The following DOCK3 variants were observed in gnomAD, a reference collection of about 807,000 sequenced individuals.
The protein encoded by DOCK3 is dedicator of cytokinesis 3.
Under a neutral mutation model 265.6 loss-of-function variants are expected in DOCK3, and 60 were observed. That is an observed-to-expected ratio of 0.23 (90% CI 0.18 to 0.28). The LOEUF (loss-of-function observed/expected upper bound fraction) is 0.28. Ranked by LOEUF, DOCK3 falls within the 10% of genes least tolerant of loss-of-function variation. The probability of loss-of-function intolerance (pLI) is 1.00; values close to 1 mark genes in which losing one functional copy is unlikely to be tolerated. For synonymous variants in DOCK3, 881 were observed against 938.0 expected (o/e 0.94, Z 1.11); for missense variants, 1,981 against 2,594.3 (o/e 0.76, Z 5.14).
In DOCK3 at chr3:51,277,614, G is replaced by T; in HGVS notation, c.2683G>T (p.Asp895Tyr). 1 of 1,545,746 alleles carries T rather than the reference G, an allele frequency of 6.5e-7. No homozygotes were observed. The highest frequency in any genetic ancestry group is 2.4e-5 in the East Asian group (1 of 42,486). The change falls in exon 26 of 53, where the codon GAT becomes TAT. Residue 895 changes from aspartate to tyrosine, a missense_variant. Physicochemically the swap from Asp to Tyr is radical, Grantham distance 160. This residue lies in a region of DOCK3 where 1,357 missense variants were observed against 1,866.8 expected (regional missense o/e 0.73). Coordinates refer to ENST00000266037, the MANE Select transcript of DOCK3 (RefSeq NM_004947.5). ...SIVKTSSLEA[D>Y]VMEEVEMMVE... ...CTCTTGCTGCTCGCTCCAGGAGGCA[G>T]ATGTCATGGAGGAAGTAGAGATGAT...
chr3:51,140,760 A>T (rs1451980812), intron 9 of DOCK3, among the ~76,000 whole-genome samples: 2 of 152,222 alleles, frequency 1.3e-5, no homozygotes, highest in Non-Finnish European at 2.9e-5. Flanking sequence ...GTCAGCACTT[A>T]TGATTATCTA....
chr3:50,845,363 T>C (rs1366906969), intron 3 of DOCK3, among the ~76,000 whole-genome samples: 1 of 152,252 alleles, frequency 6.6e-6, no homozygotes, highest in Non-Finnish European at 1.5e-5. Context: ...CAGTACAGTT[T>C]ATATTTACTT....
chr3:51,378,743 C>T (rs1290200782), intron 51 of DOCK3, among the ~76,000 whole-genome samples: 2 of 152,250 alleles, frequency 1.3e-5, no homozygotes, highest in Non-Finnish European at 2.9e-5. Flanking sequence ...TCATTCCTCT[C>T]TCCTCCTGAA....
chr3:50,868,821 A>G (rs1325915982), intron 3 of DOCK3, among the ~76,000 whole-genome samples: 1 of 150,326 alleles, frequency 6.7e-6, no homozygotes, highest in African/African-American at 2.5e-5. Flanking sequence ...ACTTGCTCAC[A>G]GTAGCCACTA....
At chr3:50,980,562 A>G (rs551240073) in intron 5 of DOCK3, among the ~76,000 whole-genome samples, 1 of 152,270 alleles carries the variant, frequency 6.6e-6, no homozygotes, top group South Asian at 2.1e-4. Context: ...AGTTTGATAG[A>G]GTTCAACAAT....
intron 5 of DOCK3, among the ~76,000 whole-genome samples, chr3:50,972,241 G>A (rs965516965): frequency 6.6e-6 from 1 of 152,240 alleles, no homozygotes; most frequent in Admixed American, 6.5e-5. Context: ...CACCAGTGGG[G>A]ATGCTGCTGC....
At chr3:50,993,515 A>G (rs1004456527) in intron 5 of DOCK3, among the ~76,000 whole-genome samples, 3 of 152,150 alleles carry the variant, frequency 2.0e-5, no homozygotes, top group Non-Finnish European at 4.4e-5. Context: ...AGGCAACTCA[A>G]CCCTGGACTT....
chr3:51,177,936 G>A (rs2087048362), intron 12 of DOCK3, among the ~76,000 whole-genome samples: 1 of 151,020 alleles, frequency 6.6e-6, no homozygotes, highest in Non-Finnish European at 1.5e-5. Flanking sequence ...GATTGCAGTA[G>A]CCGAGATCAT....
intron 1 of DOCK3, among the ~76,000 whole-genome samples, chr3:50,704,353 C>G (rs2036249661): frequency 6.6e-6 from 1 of 151,664 alleles, no homozygotes; most frequent in African/African-American, 2.4e-5. Context: ...GTGGTCTGTC[C>G]AGTGCTAAAA....
intron 14 of DOCK3, among the ~76,000 whole-genome samples, chr3:51,218,152 G>C (rs1004699967): frequency 6.6e-6 from 1 of 151,322 alleles, no homozygotes; most frequent in Non-Finnish European, 1.5e-5. Context: ...CCTCTTGCTC[G>C]GTCAGGCACA....
At chr3:50,749,666 T>G (rs1458675324) in intron 1 of DOCK3, among the ~76,000 whole-genome samples, 2 of 152,138 alleles carry the variant, frequency 1.3e-5, no homozygotes, top group Non-Finnish European at 2.9e-5. Context: ...AGAGACTCCT[T>G]ATCATCTAGT....
intron 5 of DOCK3, among the ~76,000 whole-genome samples, chr3:50,978,010 C>T (rs1354953413): frequency 1.3e-5 from 2 of 152,122 alleles, no homozygotes; most frequent in African/African-American, 2.4e-5. Context: ...CCTTTAAGCA[C>T]TTCTCTGTAT....
intron 27 of DOCK3, among the ~76,000 whole-genome samples, chr3:51,292,288 G>A (rs1450020066): frequency 6.6e-6 from 1 of 152,012 alleles, no homozygotes; most frequent in African/African-American, 2.4e-5. Flanking sequence ...GAAAGAAAAG[G>A]CATCCAAATA....
chr3:51,133,064 T>C lies in DOCK3; in HGVS notation c.747-13485T>C, dbSNP rs567493419. Reference sequence around the variant, plus strand: ...CACCCCCAACACCCTTGTTTACTTATAGAGCTGTAACTAGACTAAGGTCCT... The same window carrying C: ...CACCCCCAACACCCTTGTTTACTTACAGAGCTGTAACTAGACTAAGGTCCT... On this transcript the variant is annotated intron_variant, in intron 9 of 52. Transcript: ENST00000266037. Among the ~76,000 whole-genome samples, 7 of 152,284 alleles carry C rather than the reference T, an allele frequency of 4.6e-5. No individual in the cohort carries two copies. The South Asian group carries it at 1.0e-3, about 23-fold the overall frequency.
In DOCK3 at chr3:51,203,085, G is replaced by A. The variant is rs567836733; in HGVS notation, c.1038-5689G>A. On this transcript the variant is annotated intron_variant, in intron 12 of 52. Transcript: ENST00000266037. Reference sequence around the variant, plus strand: ...CATATTGAACGGGCAAAAACTGGAAGCATTCCCTTTGAAAACTGGCACAAG... The same window carrying A: ...CATATTGAACGGGCAAAAACTGGAAACATTCCCTTTGAAAACTGGCACAAG... Among the ~76,000 whole-genome samples, 11 of 152,274 alleles carry A rather than the reference G, an allele frequency of 7.2e-5. No homozygotes were observed. In the East Asian group the frequency reaches 1.7e-3, roughly 24 times the overall value.
chr3:50,853,641 T>G lies in DOCK3; in HGVS notation c.162+11926T>G, dbSNP rs112347553. ...TCCATGTTGCTGCAAAGAACGTGAT[T>G]TCATTCTGTTTTATGCCTGCTTAGT... On this transcript the variant is annotated intron_variant, in intron 3 of 52. Transcript: ENST00000266037. 4.6e-5 allele frequency among the ~76,000 whole-genome samples: 7 copies of G among 152,256 alleles called. 2 individuals are homozygous for G. Among genetic ancestry groups the G allele is most frequent in the African/African-American group, 1.7e-4 (7 of 41,546 alleles).
chr3:50,846,351 AG>A (rs2046081117), intron 3 of DOCK3, among the ~76,000 whole-genome samples: 1 of 152,192 alleles, frequency 6.6e-6, no homozygotes, highest in South Asian at 2.1e-4. Flanking sequence ...AAAGGGGAAA[AG>A]GTGTTGGGGC....
At chr3:51,189,415 C>T (rs2087805971) in intron 12 of DOCK3, among the ~76,000 whole-genome samples, 1 of 151,110 alleles carries the variant, frequency 6.6e-6, no homozygotes, top group African/African-American at 2.4e-5. Context: ...CATCTCTCTC[C>T]CACCCTCCCC....
At chr3:51,172,920 AC>A (rs1408532208) in intron 12 of DOCK3, among the ~76,000 whole-genome samples, 1 of 152,096 alleles carries the variant, frequency 6.6e-6, no homozygotes, top group African/African-American at 2.4e-5. Context: ...AAAACTCTAC[AC>A]TTTTAGTTAC....
Sources: gnomAD v4.1 joint callset for allele counts (sites outside exome capture counted in the v4.1 genomes callset) on GRCh38, gnomAD v4.1.1 for gene constraint, gnomAD v4.1.1 regional missense constraint, MANE v1.5 for transcripts, NCBI Gene and HGNC (gene_info 2026-07-23, HGNC 2026-07-21) for gene names.